The following GRIK2 variants were observed in gnomAD, a reference collection of about 807,000 sequenced individuals.
GRIK2 encodes the protein glutamate receptor ionotropic, kainate 2.
A neutral mutation model predicts 100.3 loss-of-function variants in GRIK2; 32 were observed. That is an observed-to-expected ratio of 0.32 (90% CI 0.24 to 0.43). The LOEUF (loss-of-function observed/expected upper bound fraction) is 0.43. GRIK2 is among the 20% of genes least tolerant of loss of function. The probability of loss-of-function intolerance (pLI) is 1.00; values close to 1 mark genes in which losing one functional copy is unlikely to be tolerated. For synonymous variants in GRIK2, 417 were observed against 389.4 expected (o/e 1.07, Z -0.83); for missense variants, 843 against 1,114.9 (o/e 0.76, Z 3.47).
intron 14 of GRIK2, among the ~76,000 whole-genome samples, chr6:102,006,110 A>G (rs1193139186): frequency 1.3e-5 from 2 of 152,070 alleles, no homozygotes; most frequent in Admixed American, 6.6e-5. Context: ...GACGTCAACA[A>G]ATGAATTTGA....
At chr6:101,445,163 G>A (rs918329361) in intron 2 of GRIK2, among the ~76,000 whole-genome samples, 2 of 151,950 alleles carry the variant, frequency 1.3e-5, no homozygotes, top group African/African-American at 2.4e-5. Flanking sequence ...TTAAGGACTT[G>A]GTTTAGTCTT....
intron 6 of GRIK2, among the ~76,000 whole-genome samples, chr6:101,685,413 T>G (rs1014339521): frequency 6.6e-6 from 1 of 152,100 alleles, no homozygotes; most frequent in Admixed American, 6.6e-5. Flanking sequence ...CTCAATATTG[T>G]CCATAAGTTC....
At chr6:101,637,006 T>G (rs550621890) in intron 4 of GRIK2, among the ~76,000 whole-genome samples, 4 of 152,074 alleles carry the variant, frequency 2.6e-5, no homozygotes, top group Non-Finnish European at 2.9e-5. Context: ...AGGGCAAAAA[T>G]AAAAATTATT....
At chr6:101,782,182 A>G (rs1303956835) in intron 7 of GRIK2, among the ~76,000 whole-genome samples, 1 of 152,208 alleles carries the variant, frequency 6.6e-6, no homozygotes, top group Admixed American at 6.5e-5. Context: ...TCTAGCATTT[A>G]CTATTTCTCT....
chr6:101,398,673 T>C (rs1192193317), intron 1 of GRIK2: 8 of 207,246 alleles, frequency 3.9e-5, no homozygotes, highest in Non-Finnish European at 5.7e-5. Context: ...TCATGGAAAA[T>C]AAAAGCAATG....
chr6:101,606,503 T>C (rs1188801940), intron 2 of GRIK2, among the ~76,000 whole-genome samples: 2 of 151,952 alleles, frequency 1.3e-5, no homozygotes, highest in African/African-American at 4.8e-5. Context: ...TTGAGACCTT[T>C]AAGCTCCTCA....
chr6:101,760,837 C>G (rs1202979661), intron 7 of GRIK2, among the ~76,000 whole-genome samples: 1 of 148,338 alleles, frequency 6.7e-6, no homozygotes, highest in African/African-American at 2.5e-5. Flanking sequence ...TTATCAAGTA[C>G]AATCTATGAA....
At chr6:102,068,301 AGTTTAT>A in intron 16 of GRIK2, 40 bp from the exon 17 acceptor site, 1 of 1,351,170 alleles carries the variant, frequency 7.4e-7, no homozygotes, top group Non-Finnish European at 1.0e-6. Flanking sequence ...GGACAGTTAC[AGTTTAT>A]GTATCTTGTA....
chr6:102,041,154 G>A (rs1770548303), intron 15 of GRIK2, among the ~76,000 whole-genome samples: 1 of 151,514 alleles, frequency 6.6e-6, no homozygotes, highest in Non-Finnish European at 1.5e-5. Flanking sequence ...CTACAATCTA[G>A]GAGGCTTCAA....
At chr6:101,735,824 G>A (rs911806237) in intron 7 of GRIK2, among the ~76,000 whole-genome samples, 2 of 152,114 alleles carry the variant, frequency 1.3e-5, no homozygotes, top group South Asian at 2.1e-4. Context: ...GTCCCTCAAA[G>A]TCTTAACTCA....
intron 10 of GRIK2, among the ~76,000 whole-genome samples, chr6:101,825,384 A>C (rs1252443783): frequency 6.6e-6 from 1 of 152,148 alleles, no homozygotes; most frequent in Non-Finnish European, 1.5e-5. Flanking sequence ...AGACTTCCAC[A>C]AAGCTAGTCA....
chr6:101,813,682 G>A (rs1781469494), intron 9 of GRIK2, among the ~76,000 whole-genome samples: 2 of 152,186 alleles, frequency 1.3e-5, no homozygotes, highest in African/African-American at 2.4e-5. Flanking sequence ...AACTAAAACC[G>A]GCTGGGCACG....
chr6:101,772,673 T>C (rs1335192696), intron 7 of GRIK2, among the ~76,000 whole-genome samples: 1 of 122,470 alleles, frequency 8.2e-6, no homozygotes, highest in African/African-American at 3.3e-5. Flanking sequence ...ATCTCTTCCC[T>C]AATGCCACCA....
chr6:101,950,949 G>A (rs1791570615), intron 14 of GRIK2, among the ~76,000 whole-genome samples: 1 of 152,054 alleles, frequency 6.6e-6, no homozygotes, highest in African/African-American at 2.4e-5. Context: ...TTCAAGCAAG[G>A]GCGGGCCATA....
intron 7 of GRIK2, among the ~76,000 whole-genome samples, chr6:101,702,208 T>C (rs1397917232): frequency 1.3e-5 from 2 of 152,068 alleles, no homozygotes; most frequent in African/African-American, 4.8e-5. Flanking sequence ...ATAAAGGTAC[T>C]TTGCAAGTAT....
chr6:101,992,697 A>G (rs554134226), intron 14 of GRIK2, among the ~76,000 whole-genome samples: 1 of 151,740 alleles, frequency 6.6e-6, no homozygotes, highest in South Asian at 2.1e-4. Flanking sequence ...GCAAGTTTTA[A>G]TGACTTCTCA....
At chr6:101,625,780 A>T (rs936381927) in intron 3 of GRIK2, among the ~76,000 whole-genome samples, 1 of 152,198 alleles carries the variant, frequency 6.6e-6, no homozygotes, top group Non-Finnish European at 1.5e-5. Flanking sequence ...CAAATATATA[A>T]AGATGACTGA....
At chr6:101,664,053 A>G (rs1265888287) in intron 4 of GRIK2, among the ~76,000 whole-genome samples, 1 of 152,244 alleles carries the variant, frequency 6.6e-6, no homozygotes, top group Non-Finnish European at 1.5e-5. Flanking sequence ...AAAAGAGAAC[A>G]GAGAAACAAA....
intron 7 of GRIK2, among the ~76,000 whole-genome samples, chr6:101,747,677 AACAACATTATAG>A (rs1161617439): frequency 8.1e-6 from 1 of 124,126 alleles, no homozygotes; most frequent in East Asian, 2.8e-4. Flanking sequence ...ACTATTTTAT[AACAACATTATAG>A]ACAATATTGG....
Sources: gnomAD v4.1 joint callset for allele counts (sites outside exome capture counted in the v4.1 genomes callset) on GRCh38, gnomAD v4.1.1 for gene constraint, MANE v1.5 for transcripts, NCBI Gene and HGNC (gene_info 2026-07-23, HGNC 2026-07-21) for gene names.